Variants in ESR1 observed in about 807,000 individuals in gnomAD.
ESR1 encodes the protein estrogen receptor 1, also known as estrogen receptor.
Under a neutral mutation model 52.7 loss-of-function variants are expected in ESR1, and 12 were observed. The observed-to-expected ratio is 0.23, with a 90% CI of 0.15 to 0.37. ESR1 has a LOEUF of 0.37. ESR1 is among the 10% of genes least tolerant of loss of function. ESR1 has a pLI of 1.00. For missense variants in ESR1, 584 were observed against 779.7 expected (o/e 0.75, Z 2.99); for synonymous variants, 305 against 316.8 (o/e 0.96, Z 0.39).
At chr6:151,719,044 G>A (rs1444730846) in intron 2 of ESR1, among the ~76,000 whole-genome samples, 38 of 152,154 alleles carry the variant, frequency 2.5e-4, no homozygotes, top group Admixed American at 2.5e-3. Context: ...GCCTTCATCT[G>A]CGATCTGGAT....
rs2046854194 is a variant in ESR1, at chr6:152,053,522, C to T, written c.1236-7469C>T. On this transcript the variant is annotated intron_variant, in intron 5 of 7. Coordinates refer to ENST00000206249, the MANE Select transcript of ESR1 (RefSeq NM_000125.4). The surrounding 1 kb of genome is among the most constrained non-coding windows in gnomAD (Gnocchi z 4.1). ...TCTCTCCCATTCTCTTTCTCTTTCT[C>T]TCAATCTCTCTCTTCCTCTCTCTCT... is the stretch of plus-strand genomic sequence containing the variant. 6.6e-6 allele frequency among the ~76,000 whole-genome samples: 1 copy of T among 151,852 alleles called. No individual in the cohort carries two copies. The highest frequency in any genetic ancestry group is 2.1e-4 in the South Asian group (1 of 4,802).
At chr6:151,971,608 A>G (rs1247308767) in intron 4 of ESR1, among the ~76,000 whole-genome samples, 2 of 152,184 alleles carry the variant, frequency 1.3e-5, no homozygotes, top group East Asian at 1.9e-4. Context: ...TTTGAGCTGA[A>G]TGATAATAGC....
intron 5 of ESR1, among the ~76,000 whole-genome samples, chr6:152,042,910 C>A (rs575066005): frequency 1.3e-5 from 2 of 152,278 alleles, no homozygotes; most frequent in Admixed American, 1.3e-4. Flanking sequence ...TTGGCCCATG[C>A]CACCTCAGGA....
chr6:151,914,021 T>A (rs1279310454), intron 3 of ESR1, among the ~76,000 whole-genome samples: 2 of 152,158 alleles, frequency 1.3e-5, no homozygotes, highest in Non-Finnish European at 2.9e-5. Context: ...CAAAATAAAA[T>A]CTTTAGTTTC....
intron 1 of ESR1, among the ~76,000 whole-genome samples, chr6:151,683,705 CTT>C (rs538837490): frequency 7.0e-6 from 1 of 143,428 alleles, no homozygotes; most frequent in African/African-American, 2.5e-5. Flanking sequence ...ATTTTTTTTT[CTT>C]TTTTTTTTTG....
intron 5 of ESR1, among the ~76,000 whole-genome samples, chr6:152,030,155 A>G (rs1248364709): frequency 6.6e-6 from 1 of 152,240 alleles, no homozygotes; most frequent in East Asian, 1.9e-4. Context: ...TAAACACGGA[A>G]AGGAACAACT....
At chr6:151,686,665 G>T (rs1416304947), upstream of ESR1, among the ~76,000 whole-genome samples, 5 of 151,662 alleles carry the variant, frequency 3.3e-5, no homozygotes, top group African/African-American at 1.2e-4. Context: ...TCCAGCCTGG[G>T]TGACAGAGCA....
chr6:151,911,289 G>C (rs934242263), intron 3 of ESR1, among the ~76,000 whole-genome samples: 2 of 152,190 alleles, frequency 1.3e-5, no homozygotes, highest in Non-Finnish European at 2.9e-5. Flanking sequence ...TATCAAAAAG[G>C]CTATCCGTCG....
chr6:151,740,855 G>A (rs1006867262), intron 2 of ESR1, among the ~76,000 whole-genome samples: 1 of 152,158 alleles, frequency 6.6e-6, no homozygotes, highest in African/African-American at 2.4e-5. Flanking sequence ...TTTAAAAAGT[G>A]TTGGGACTGA....
chr6:152,082,221 C>T (rs2049285905), intron 6 of ESR1, among the ~76,000 whole-genome samples: 1 of 152,180 alleles, frequency 6.6e-6, no homozygotes, highest in Admixed American at 6.5e-5. Flanking sequence ...CAATAAAATA[C>T]TGGCAAACCA....
chr6:151,777,370 C>T (rs1458696894), intron 2 of ESR1, among the ~76,000 whole-genome samples: 2 of 151,980 alleles, frequency 1.3e-5, no homozygotes, highest in Non-Finnish European at 2.9e-5. Flanking sequence ...CTGCCCACCT[C>T]AGCCTCCCAA....
chr6:151,889,396 T>G (rs368540765), intron 3 of ESR1, among the ~76,000 whole-genome samples: 4 of 152,198 alleles, frequency 2.6e-5, no homozygotes, highest in African/African-American at 7.2e-5. Context: ...TTGCTAGGTT[T>G]ATGTGTCTAA....
intron 6 of ESR1, among the ~76,000 whole-genome samples, chr6:152,085,517 G>A (rs891581518): frequency 4.1e-4 from 63 of 152,070 alleles, no homozygotes; most frequent in African/African-American, 1.4e-3. Flanking sequence ...TCAACCAGGG[G>A]TAATTTGAGA....
At chr6:152,018,940 G>A (rs539795816) in intron 5 of ESR1, among the ~76,000 whole-genome samples, 2 of 152,252 alleles carry the variant, frequency 1.3e-5, no homozygotes, top group South Asian at 4.2e-4. Context: ...TGAGAATACA[G>A]ATAGGAAAGA....
At chr6:151,691,445 T>C (rs949983859) in intron 1 of ESR1, among the ~76,000 whole-genome samples, 5 of 152,232 alleles carry the variant, frequency 3.3e-5, no homozygotes, top group Non-Finnish European at 5.9e-5. Flanking sequence ...TTTCATACTT[T>C]GTCAAGAAGA....
At position 152,122,594 on chromosome 6, in the gene ESR1, G is replaced by A. The variant is rs746177326; in HGVS notation, c.851-2672G>A. The stretch of plus-strand genomic sequence containing the variant: ...AGAAGCTGAAGGGGAAGAGCTGCTC[G>A]GAGGACTCTGAACAGGAAGCCGCGG... On this transcript the variant is annotated intron_variant, in intron 6 of 6. Coordinates refer to the ESR1 transcript ENST00000427531. The A allele has an allele frequency of 1.1e-5, 18 of 1,614,202 alleles. No individual in the cohort carries two copies. The highest frequency in any genetic ancestry group is 1.4e-5 in the Non-Finnish European group (16 of 1,180,036).
At chr6:152,115,975 A>AT (rs1041474281) in intron 6 of ESR1, among the ~76,000 whole-genome samples, 1 of 152,164 alleles carries the variant, frequency 6.6e-6, no homozygotes, top group African/African-American at 2.4e-5. Flanking sequence ...GGGGTTCTAC[A>AT]TTTTTAAAAG....
At chr6:151,906,788 T>C (rs1340384008) in intron 3 of ESR1, among the ~76,000 whole-genome samples, 4 of 150,672 alleles carry the variant, frequency 2.7e-5, no homozygotes, top group African/African-American at 9.8e-5. Context: ...TTTTTCTTTA[T>C]AGTTTGTGCT....
At chr6:151,959,346 G>A (rs753039438) in intron 4 of ESR1, among the ~76,000 whole-genome samples, 3 of 152,048 alleles carry the variant, frequency 2.0e-5, no homozygotes, top group Non-Finnish European at 2.9e-5. Context: ...TCACTGGTGC[G>A]GCACACATCT....
Sources: allele counts gnomAD v4.1 joint callset (sites outside exome capture counted in the v4.1 genomes callset), GRCh38; gene constraint gnomAD v4.1.1; non-coding constraint Gnocchi (gnomAD v3.1); transcripts MANE v1.5; gene names NCBI Gene and HGNC (gene_info 2026-07-23, HGNC 2026-07-21).